Variants in TMEM266 observed in about 807,000 individuals in gnomAD.
The protein encoded by TMEM266 is Hv1 related protein 1.
In TMEM266, 33 loss-of-function variants were observed where a neutral mutation model predicts 50.5. The observed-to-expected ratio is 0.65, with a 90% CI of 0.50 to 0.87. TMEM266 has a LOEUF of 0.87. Among genes scored for constraint, TMEM266 ranks in the 40% least tolerant of loss-of-function variants. The pLI, the probability that TMEM266 is intolerant of heterozygous loss-of-function variation, is 0.00. For synonymous variants in TMEM266, 310 were observed against 292.3 expected (o/e 1.06, Z -0.62); for missense variants, 655 against 695.1 (o/e 0.94, Z 0.65).
intron 1 of TMEM266, among the ~76,000 whole-genome samples, chr15:76,061,655 A>G (rs2036306133): frequency 6.6e-6 from 1 of 152,210 alleles, no homozygotes; most frequent in East Asian, 1.9e-4. Flanking sequence ...TTGAGGTGGC[A>G]CTAAACCTAT....
chr15:76,116,090 T>A (rs2037242280), intron 1 of TMEM266, among the ~76,000 whole-genome samples: 1 of 152,152 alleles, frequency 6.6e-6, no homozygotes. Flanking sequence ...TAGCACCACG[T>A]CCTTGCTTAG....
rs1014287822 is a variant in TMEM266, at chr15:76,134,183, T to C, written c.-81T>C. ...TTGTTTTCAGGGCACTATATTTGTA[T>C]GTGTCTTGTAGAACCCACGCTTGGA... On this transcript the variant is annotated 5_prime_UTR_variant, in exon 2 of 11. It removes an upstream start codon present in the reference 5' UTR. Coordinates refer to ENST00000388942, the MANE Select transcript of TMEM266 (RefSeq NM_152335.3). 2 of 1,486,718 alleles carry C rather than the reference T, an allele frequency of 1.3e-6. No individual in the cohort carries two copies. Among genetic ancestry groups the C allele is most frequent in the Non-Finnish European group, 1.9e-6 (2 of 1,069,474 alleles). The allele number at this position is 1,486,718 out of a possible 1,614,324, so 92.1% of individuals were successfully genotyped here. A position where few individuals can be genotyped will look rare whatever the true frequency, so the allele number is the denominator to read the frequency against.
chr15:76,067,926 C>G (rs1450986260), intron 1 of TMEM266, among the ~76,000 whole-genome samples: 1 of 152,146 alleles, frequency 6.6e-6, no homozygotes, highest in Non-Finnish European at 1.5e-5. Flanking sequence ...AGGGCCAGCT[C>G]TCCCCACCAG....
At chr15:76,095,667 C>G (rs1456493175) in intron 1 of TMEM266, among the ~76,000 whole-genome samples, 1 of 151,848 alleles carries the variant, frequency 6.6e-6, no homozygotes, top group Admixed American at 6.6e-5. Flanking sequence ...TTCTATTGAT[C>G]GGAATAGTTT....
intron 1 of TMEM266, among the ~76,000 whole-genome samples, chr15:76,122,781 T>C (rs2037364112): frequency 6.6e-6 from 1 of 151,892 alleles, no homozygotes; most frequent in Admixed American, 6.6e-5. Flanking sequence ...GCTTGCTGGG[T>C]GGTATTATTT....
intron 3 of TMEM266, among the ~76,000 whole-genome samples, chr15:76,148,623 G>A (rs915310802): frequency 1.3e-5 from 2 of 152,196 alleles, no homozygotes; most frequent in African/African-American, 4.8e-5. Context: ...TGTGTGGTCA[G>A]TGTCCTTTGT....
rs1296990645 is a variant in TMEM266 at position 76,199,684 on chromosome 15, G to A, written c.959-2518G>A. 5.9e-5 allele frequency among the ~76,000 whole-genome samples: 9 copies of A among 152,144 alleles called. 1 individual carries two copies. The highest frequency in any genetic ancestry group is 3.9e-4 in the East Asian group (2 of 5,182). On this transcript the variant is annotated intron_variant, in intron 9 of 10. Coordinates refer to ENST00000388942, the MANE Select transcript of TMEM266 (RefSeq NM_152335.3). ...TTGGCACAGTCTATTCAATAATCAC[G>A]GCCTTTTAGCACAGGGGCAGGGAGA... is the stretch of plus-strand genomic sequence containing the variant.
At position 76,175,644 on chromosome 15, in the gene TMEM266, G is replaced by A. The variant is rs368931639; in HGVS notation, c.738G>A (p.Glu246=). The A allele has an allele frequency of 6.2e-7, 1 of 1,614,074 alleles. No homozygotes were observed. Among genetic ancestry groups the A allele is most frequent in the African/African-American group, 1.3e-5 (1 of 74,948 alleles). Residue 246 remains glutamate (E), a synonymous_variant, in exon 8 of 11, where the codon GAG becomes GAA. Coordinates refer to ENST00000388942, the MANE Select transcript of TMEM266 (RefSeq NM_152335.3). ...AGGTCATCCAAGACGAGCAGCTGGA[G>A]AGGCTGACGCAGATCTGTCAGGAGC... is the stretch of plus-strand genomic sequence containing the variant. ...QLERLTQICQ[E]QGFEIRQLRA...
intron 1 of TMEM266, chr15:76,113,140 C>T (rs2037198137): frequency 6.6e-6 from 1 of 151,988 alleles, no homozygotes; most frequent in East Asian, 1.9e-4. Context: ...ATGGTGACAC[C>T]CCGTCTCTAC....
chr15:76,148,005 C>T (rs1319536684), intron 3 of TMEM266, among the ~76,000 whole-genome samples: 1 of 152,230 alleles, frequency 6.6e-6, no homozygotes, highest in Non-Finnish European at 1.5e-5. Flanking sequence ...AAAGGCAATA[C>T]ATTCACAGAT....
chr15:76,081,253 C>T (rs1461748057), intron 1 of TMEM266, among the ~76,000 whole-genome samples: 1 of 152,228 alleles, frequency 6.6e-6, no homozygotes, highest in Non-Finnish European at 1.5e-5. Context: ...TCATTGCCCT[C>T]ATCTTTAGTT....
At chr15:76,138,103 T>C (rs566921155) in intron 3 of TMEM266, among the ~76,000 whole-genome samples, 1 of 151,828 alleles carries the variant, frequency 6.6e-6, no homozygotes, top group Admixed American at 6.6e-5. Flanking sequence ...AGCCCTGTAA[T>C]CTCAGCTATT....
chr15:76,177,312 G>A (rs55923544), intron 8 of TMEM266, among the ~76,000 whole-genome samples: 8,307 of 152,334 alleles, frequency 0.055, 325 homozygotes, highest in Middle Eastern at 0.12. Flanking sequence ...AGTGTATGTC[G>A]TGGGTCTTGG....
At chr15:76,127,945 C>T (rs77322027) in intron 1 of TMEM266, among the ~76,000 whole-genome samples, 1,854 of 152,120 alleles carry the variant, frequency 0.012, 38 homozygotes, top group African/African-American at 0.043. Context: ...ATGGGCGGAG[C>T]CAGCAAGCTG....
At chr15:76,169,593 G>C (rs532993266) in intron 5 of TMEM266, among the ~76,000 whole-genome samples, 1 of 152,322 alleles carries the variant, frequency 6.6e-6, no homozygotes, top group Admixed American at 6.5e-5. Flanking sequence ...GTCTGAGCCT[G>C]CAGGCAGAGG....
At chr15:76,145,803 C>G (rs1220626424) in intron 3 of TMEM266, among the ~76,000 whole-genome samples, 2 of 152,242 alleles carry the variant, frequency 1.3e-5, no homozygotes, top group Non-Finnish European at 2.9e-5. Context: ...TCAGTTGATG[C>G]TTTCATTCCA....
chr15:76,157,001 C>T (rs1401039219), intron 4 of TMEM266, among the ~76,000 whole-genome samples: 2 of 152,188 alleles, frequency 1.3e-5, no homozygotes, highest in Admixed American at 1.3e-4. Flanking sequence ...CTGCAGTCCC[C>T]TCCCCAGCAT....
chr15:76,134,572 A>C lies in TMEM266; in HGVS notation c.38+271A>C, dbSNP rs76760365. On this transcript the variant is annotated intron_variant, in intron 2 of 10. Transcript: ENST00000388942. ...AAACCCGGGGCAGAATTCTTAAGGG[A>C]GAATTGCTTTCATTTCCCAAAACCT... is the stretch of plus-strand genomic sequence containing the variant. Among the ~76,000 whole-genome samples the C allele has an allele frequency of 7.4e-3, 1,130 of 152,338 alleles. 12 individuals carry two copies. Among genetic ancestry groups the C allele is most frequent in the African/African-American group, 0.026 (1,091 of 41,586 alleles).
intron 3 of TMEM266, among the ~76,000 whole-genome samples, chr15:76,154,589 G>A (rs1350665452): frequency 1.3e-5 from 2 of 151,996 alleles, no homozygotes; most frequent in Admixed American, 6.6e-5. Context: ...ACCATGCGGG[G>A]TTCACATCGA....
Sources: allele counts gnomAD v4.1 joint callset (sites outside exome capture counted in the v4.1 genomes callset), GRCh38; gene constraint gnomAD v4.1.1; transcripts MANE v1.5; gene names NCBI Gene and HGNC (gene_info 2026-07-23, HGNC 2026-07-21).